Variants in PARVB observed in about 807,000 individuals in gnomAD.
The protein encoded by PARVB is parvin beta.
Under a neutral mutation model 47.0 loss-of-function variants are expected in PARVB, and 46 were observed. The observed-to-expected ratio is 0.98, with a 90% CI of 0.77 to 1.25. The LOEUF is 1.25. Ranked by LOEUF, PARVB falls within the 50% of genes most tolerant of loss-of-function variation. PARVB has a pLI of 0.00. For missense variants in PARVB, 473 were observed against 471.6 expected (o/e 1.00, Z -0.03); for synonymous variants, 196 against 196.3 (o/e 1.00, Z 0.01).
rs930696337 is a variant in PARVB at position 44,122,576 on chromosome 22, G to C, written c.376+3436G>C. Among the ~76,000 whole-genome samples the C allele has an allele frequency of 2.8e-3, 321 of 114,628 alleles. 5 individuals carry two copies. The highest frequency in any genetic ancestry group is 0.026 in the East Asian group (123 of 4,654). 75.2% of individuals were successfully genotyped at this position (114,628 alleles called of 152,430 possible). ...AGACACAGAGACAGAGAGAGAGAGA[G>C]AGAGAGAGAGAGAGAGAGAGAGAGA... On this transcript the variant is annotated intron_variant, in intron 4 of 12. Coordinates refer to ENST00000338758, the MANE Select transcript of PARVB (RefSeq NM_013327.5).
chr22:44,060,589 G>C (rs2051400780), intron 1 of PARVB, among the ~76,000 whole-genome samples: 1 of 152,008 alleles, frequency 6.6e-6, no homozygotes, highest in African/African-American at 2.4e-5. Flanking sequence ...ATGTCATCTA[G>C]TAACCCAACT....
At chr22:44,042,808 T>G (rs569791538) in intron 1 of PARVB, among the ~76,000 whole-genome samples, 1 of 152,320 alleles carries the variant, frequency 6.6e-6, no homozygotes, top group South Asian at 2.1e-4. Context: ...AGTTTTTCTT[T>G]CCTAGAGCCC....
rs576230934 is a variant in PARVB, at chr22:44,083,036, GTAC to G, written c.113-10889_113-10887del. 2.0e-3 allele frequency among the ~76,000 whole-genome samples: 312 copies of G among 152,236 alleles called. 1 individual carries two copies. Among genetic ancestry groups the G allele is most frequent in the African/African-American group, 7.2e-3 (300 of 41,530 alleles). On this transcript the variant is annotated intron_variant, in intron 1 of 12. Coordinates refer to ENST00000338758, the MANE Select transcript of PARVB (RefSeq NM_013327.5). The stretch of plus-strand genomic sequence containing the variant: ...GGGGATGTTGGCTCCTGGGCTGCTT[GTAC>G]TAGCAAGTCCCTAATTGCGGAGCGG...
At chr22:44,094,477 CTTTA>C (rs2052251094) in intron 2 of PARVB, among the ~76,000 whole-genome samples, 1 of 152,064 alleles carries the variant, frequency 6.6e-6, no homozygotes, top group Non-Finnish European at 1.5e-5. Flanking sequence ...GGGCTAATGC[CTTTA>C]TTTGATATTT....
At chr22:44,028,101 G>A (rs1254286576) in intron 1 of PARVB, among the ~76,000 whole-genome samples, 3 of 151,848 alleles carry the variant, frequency 2.0e-5, no homozygotes, top group Non-Finnish European at 2.9e-5. Context: ...GTGAGCCAAC[G>A]CTGAGACATC....
intron 2 of PARVB, among the ~76,000 whole-genome samples, chr22:44,099,196 G>C (rs141505740): frequency 6.6e-6 from 1 of 152,304 alleles, no homozygotes; most frequent in Non-Finnish European, 1.5e-5. Flanking sequence ...GGCCCCACCC[G>C]ACCCATGCTC....
intron 4 of PARVB, among the ~76,000 whole-genome samples, chr22:44,121,164 T>C (rs1014056042): frequency 2.6e-5 from 4 of 152,116 alleles, no homozygotes; most frequent in African/African-American, 9.7e-5. Context: ...GTATTAAATT[T>C]TTAAATTTCA....
At chr22:44,052,606 A>G (rs2051230371) in intron 1 of PARVB, among the ~76,000 whole-genome samples, 2 of 152,316 alleles carry the variant, frequency 1.3e-5, no homozygotes, top group Admixed American at 6.5e-5. Context: ...CCCTATAGAC[A>G]GTTCATAAGC....
intron 3 of PARVB, 134 bp downstream of exon 3, chr22:44,100,257 G>A: frequency 2.8e-6 from 2 of 722,096 alleles, no homozygotes; most frequent in Non-Finnish European, 2.5e-6. Flanking sequence ...GAGAAGGTGG[G>A]CAGACATGTT....
chr22:44,023,892 G>T (rs2146875593), upstream of PARVB, among the ~76,000 whole-genome samples: 2 of 152,344 alleles, frequency 1.3e-5, no homozygotes, highest in Middle Eastern at 6.8e-3. Context: ...TCCCAGTTCT[G>T]AAGGGCTCCC....
At chr22:44,157,766 C>A (rs960367149) in intron 10 of PARVB, among the ~76,000 whole-genome samples, 8 of 152,092 alleles carry the variant, frequency 5.3e-5, no homozygotes, top group Non-Finnish European at 1.0e-4. Flanking sequence ...GTAGTCCCAG[C>A]TACTTGGGAG....
intron 8 of PARVB, chr22:44,146,936 C>T (rs904233980): frequency 1.3e-5 from 2 of 152,568 alleles, no homozygotes; most frequent in African/African-American, 4.8e-5. Flanking sequence ...TTCCAAATGC[C>T]CTCCTCCCTG....
chr22:44,135,360 C>T (rs573469400), intron 6 of PARVB, among the ~76,000 whole-genome samples: 28 of 152,168 alleles, frequency 1.8e-4, no homozygotes, highest in African/African-American at 6.7e-4. Flanking sequence ...CTGGGTTCAA[C>T]TGATTCTCCT....
At chr22:44,096,422 C>A (rs575048780) in intron 2 of PARVB, among the ~76,000 whole-genome samples, 45 of 152,262 alleles carry the variant, frequency 3.0e-4, no homozygotes, top group African/African-American at 1.1e-3. Context: ...ATTGAACTCA[C>A]TCACTGAATA....
At chr22:44,057,543 G>T (rs1349811150) in intron 1 of PARVB, among the ~76,000 whole-genome samples, 1 of 151,994 alleles carries the variant, frequency 6.6e-6, no homozygotes, top group Non-Finnish European at 1.5e-5. Flanking sequence ...TGGAGCCTGA[G>T]TTTATCCGCA....
intron 10 of PARVB, 151 bp downstream of exon 10, chr22:44,151,702 C>T (rs973083281): frequency 6.4e-6 from 4 of 625,202 alleles, no homozygotes; most frequent in African/African-American, 3.6e-5. Context: ...CCACCGTGGC[C>T]TTCTCAGCCC....
At chr22:44,079,499 A>G (rs150258311) in intron 1 of PARVB, among the ~76,000 whole-genome samples, 325 of 152,216 alleles carry the variant, frequency 2.1e-3, no homozygotes, top group Admixed American at 3.3e-3. Context: ...CTTCCTGTGA[A>G]CCCATTAAAT....
At position 44,172,135 on chromosome 22, in the gene PARVB, C is replaced by G. The variant is rs769728046; in HGVS notation, c.*3457C>G. ...TTCACCATCAGTTTGAGTCTGAATT[C>G]ATAGCATGGCCTGGACAGATGCAGC... On this transcript the variant is annotated 3_prime_UTR_variant, in exon 13 of 13. Transcript: ENST00000338758. 1 of 152,210 alleles carries G rather than the reference C, an allele frequency of 6.6e-6. No individual in the cohort carries two copies. The highest frequency in any genetic ancestry group is 6.5e-5 in the Admixed American group (1 of 15,268). 9.4% of individuals were successfully genotyped at this position (152,210 alleles called of 1,614,324 possible). A position where few individuals can be genotyped will look rare whatever the true frequency, so the allele number is the denominator to read the frequency against.
At chr22:44,040,127 C>T (rs889459786) in intron 1 of PARVB, among the ~76,000 whole-genome samples, 2 of 152,058 alleles carry the variant, frequency 1.3e-5, no homozygotes, top group African/African-American at 4.8e-5. Flanking sequence ...GTTTGAGATA[C>T]GCAGGTGCAG....
Sources: allele counts gnomAD v4.1 joint callset (sites outside exome capture counted in the v4.1 genomes callset), GRCh38; gene constraint gnomAD v4.1.1; transcripts MANE v1.5; gene names NCBI Gene and HGNC (gene_info 2026-07-23, HGNC 2026-07-21).